Variants in ZNG1F observed in about 807,000 individuals in gnomAD.
The protein encoded by ZNG1F is Zn regulated GTPase metalloprotein activator 1F, also known as zinc-regulated GTPase metalloprotein activator 1F.
the ZNG1F span, chr9:41,174,167 A>G: frequency 1.6e-6 from 1 of 616,948 alleles, no homozygotes; most frequent in Admixed American, 4.2e-5. Context: ...GGTTGCAGTG[A>G]GCCGAGATCA....
chr9:41,164,651 C>T, the ZNG1F span: 1 of 101,246 alleles, frequency 9.9e-6, no homozygotes, highest in African/African-American at 3.9e-5. Flanking sequence ...TGAGTAAAGA[C>T]AGGAACTGAC....
chr9:41,139,347 C>T, the ZNG1F span, among the ~76,000 whole-genome samples: 8 of 141,426 alleles, frequency 5.7e-5, no homozygotes, highest in South Asian at 1.9e-3. Flanking sequence ...GGTCTCTCAG[C>T]TGTGGATACC....
At chr9:41,189,804 CT>C in the ZNG1F span, among the ~76,000 whole-genome samples, 6 of 23,324 alleles carry the variant, frequency 2.6e-4, no homozygotes, top group African/African-American at 9.2e-4. Context: ...ACAATTTTTT[CT>C]TTTTTTATTA....
At chr9:41,201,312 G>A in the ZNG1F span, among the ~76,000 whole-genome samples, 47 of 138,944 alleles carry the variant, frequency 3.4e-4, no homozygotes, top group Non-Finnish European at 5.7e-4. Flanking sequence ...GAAGCAATAT[G>A]TTTGTGATGA....
the ZNG1F span, chr9:41,132,143 G>A: frequency 1.3e-6 from 2 of 1,542,032 alleles, no homozygotes; most frequent in Non-Finnish European, 1.8e-6. Flanking sequence ...GGACCTGAAT[G>A]GTTAATCTGT....
At chr9:41,150,223 T>G in the ZNG1F span, among the ~76,000 whole-genome samples, 124 of 144,840 alleles carry the variant, frequency 8.6e-4, no homozygotes, top group South Asian at 9.1e-4. Context: ...ACTGCACCTG[T>G]AAGATTGGGT....
chr9:41,145,809 A>C, the ZNG1F span: 2 of 94,800 alleles, frequency 2.1e-5, no homozygotes, highest in African/African-American at 7.5e-5. Flanking sequence ...AAAAAGAAAT[A>C]GTATCCATAA....
At chr9:41,204,903 G>A in the ZNG1F span, among the ~76,000 whole-genome samples, 1 of 149,704 alleles carries the variant, frequency 6.7e-6, no homozygotes, top group Admixed American at 6.8e-5. Context: ...AATTTTTAAT[G>A]TTTTTATTGT....
chr9:41,141,114 A>G, the ZNG1F span, among the ~76,000 whole-genome samples: 48 of 151,288 alleles, frequency 3.2e-4, no homozygotes, highest in Non-Finnish European at 6.0e-4. Flanking sequence ...CTCCAGTATG[A>G]GACAAAAAAG....
chr9:41,198,071 GC>G, the ZNG1F span, among the ~76,000 whole-genome samples: 1 of 123,020 alleles, frequency 8.1e-6, no homozygotes, highest in East Asian at 2.6e-4. Flanking sequence ...GCTGGTTTGT[GC>G]CTAAAGTATA....
At chr9:41,156,026 A>AAAAAATAAAAAAT in the ZNG1F span, among the ~76,000 whole-genome samples, 1 of 112,666 alleles carries the variant, frequency 8.9e-6, no homozygotes, top group Non-Finnish European at 1.8e-5. Flanking sequence ...AATAAAAAAT[A>AAAAAATAAAAAAT]AAAAAATAAA....
the ZNG1F span, among the ~76,000 whole-genome samples, chr9:41,134,708 G>A: frequency 1.4e-5 from 2 of 142,972 alleles, no homozygotes; most frequent in Admixed American, 7.3e-5. Flanking sequence ...CTAGAACTGC[G>A]TATCTGGCCT....
At chr9:41,183,875 G>A in the ZNG1F span, among the ~76,000 whole-genome samples, 2 of 145,642 alleles carry the variant, frequency 1.4e-5, no homozygotes, top group Non-Finnish European at 3.0e-5. Context: ...CTTAAGCCCT[G>A]AAAAAGACAC....
the ZNG1F span, chr9:41,174,243 A>G: frequency 6.8e-7 from 1 of 1,469,966 alleles, no homozygotes; most frequent in Admixed American, 2.3e-5. Flanking sequence ...AAAAAAAAAA[A>G]AAAAAAAAAA....
At chr9:41,169,691 T>C in the ZNG1F span, among the ~76,000 whole-genome samples, 1 of 147,812 alleles carries the variant, frequency 6.8e-6, no homozygotes, top group East Asian at 2.0e-4. Context: ...GTTAATTCTA[T>C]TGTATACTTG....
chr9:41,175,287 T>A, the ZNG1F span, among the ~76,000 whole-genome samples: 1 of 142,598 alleles, frequency 7.0e-6, no homozygotes, highest in Non-Finnish European at 1.5e-5. Flanking sequence ...GGTTTCCTGA[T>A]ACCTATTGAT....
chr9:41,203,230 G>T, the ZNG1F span, among the ~76,000 whole-genome samples: 14 of 152,298 alleles, frequency 9.2e-5, no homozygotes, highest in South Asian at 4.2e-4. Flanking sequence ...CAGTTAATAA[G>T]TACCTGATGG....
chr9:41,154,641 T>C, the ZNG1F span, among the ~76,000 whole-genome samples: 7 of 147,362 alleles, frequency 4.8e-5, no homozygotes, highest in African/African-American at 1.5e-4. Flanking sequence ...AGCATGGTAC[T>C]GGTACCAAAA....
chr9:41,140,660 A>G, the ZNG1F span, among the ~76,000 whole-genome samples: 1 of 116,804 alleles, frequency 8.6e-6, no homozygotes, highest in Non-Finnish European at 1.7e-5. Flanking sequence ...TTTTAATGCA[A>G]GTTGGAAAAC....
Sources: gnomAD v4.1 joint callset for allele counts (sites outside exome capture counted in the v4.1 genomes callset) on GRCh38, gnomAD v4.1.1 for gene constraint, MANE v1.5 for transcripts, NCBI Gene and HGNC (gene_info 2026-07-23, HGNC 2026-07-21) for gene names.